The following BZW1 variants were observed in gnomAD, a reference collection of about 807,000 sequenced individuals.
BZW1 encodes the protein eIF5-mimic protein 2.
BZW1 carries 3 observed loss-of-function variants against 54.1 expected under a neutral mutation model. That is an observed-to-expected ratio of 0.06 (90% CI 0.03 to 0.14). BZW1 has a LOEUF of 0.14. Among genes scored for constraint, BZW1 ranks in the 10% least tolerant of loss-of-function variants. BZW1 has a pLI of 1.00. For missense variants in BZW1, 206 were observed against 491.7 expected (o/e 0.42, Z 5.50); for synonymous variants, 152 against 162.7 (o/e 0.93, Z 0.50).
rs986447845 is a variant in BZW1 at position 200,816,527 on chromosome 2, G to C, written c.402+137G>C. 7.5e-6 allele frequency: 4 copies of C among 535,264 alleles called. No individual in the cohort carries two copies. In the African/African-American group the frequency reaches 7.7e-5, roughly 10 times the overall value. The allele number at this position is 535,264 out of a possible 1,614,324, so 33.2% of individuals were successfully genotyped here. A position where few individuals can be genotyped will look rare whatever the true frequency, so the allele number is the denominator to read the frequency against. ...GTTTTTTGAGACAGAGCCTCACTCTGTGTCCCAGGCTGGGGGTGCAGTGGC... is the reference window on the plus strand; with the variant it reads ...GTTTTTTGAGACAGAGCCTCACTCTCTGTCCCAGGCTGGGGGTGCAGTGGC... On this transcript the variant is annotated intron_variant, in intron 5 of 11. Coordinates refer to ENST00000409600, the MANE Select transcript of BZW1 (RefSeq NM_001207067.2).
Position 200,825,530 on chromosome 2 carries a change from A to G in BZW1, c.*3352A>G, listed in dbSNP as rs1456645903. 1 of 152,232 alleles carries G rather than the reference A, an allele frequency of 6.6e-6. No homozygotes were observed. Among genetic ancestry groups the G allele is most frequent in the African/African-American group, 2.4e-5 (1 of 41,454 alleles). The allele number at this position is 152,232 out of a possible 1,614,324, so 9.4% of individuals were successfully genotyped here. Reference sequence around the variant, plus strand: ...TGTCAGGGTCAATAGAAAGTAGACGAAATTCATTTTCAGCCAATCTTTCAC... The same window carrying G: ...TGTCAGGGTCAATAGAAAGTAGACGGAATTCATTTTCAGCCAATCTTTCAC... On this transcript the variant is annotated 3_prime_UTR_variant, in exon 12 of 12. Transcript: ENST00000409600.
chr2:200,812,266 G>GC (rs2038095613), intron 1 of BZW1: 1 of 1,232,440 alleles, frequency 8.1e-7, no homozygotes, highest in African/African-American at 1.6e-5. Flanking sequence ...TCTGGGCCGT[G>GC]CCCGGCCTGG....
intron 2 of BZW1, 95 bp downstream of exon 2, chr2:200,813,376 C>T: frequency 9.1e-7 from 1 of 1,096,940 alleles, no homozygotes; most frequent in Non-Finnish European, 1.3e-6. Flanking sequence ...ACTAAAGCCT[C>T]AAAAGAAGAT....
intron 6 of BZW1, among the ~76,000 whole-genome samples, 191 bp from the exon 7 acceptor site, chr2:200,817,783 A>G (rs889180730): frequency 6.6e-6 from 1 of 152,200 alleles, no homozygotes; most frequent in African/African-American, 2.4e-5. Flanking sequence ...GGCCAAGAAT[A>G]TACAATTTGC....
At position 200,812,147 on chromosome 2, in the gene BZW1, C is replaced by A. The variant is rs888317277; in HGVS notation, c.-11+157C>A. The A allele has an allele frequency of 1.5e-5, 16 of 1,090,134 alleles. No homozygotes were observed. In the African/African-American group the frequency reaches 2.4e-4, roughly 17 times the overall value. 67.5% of individuals were successfully genotyped at this position (1,090,134 alleles called of 1,614,324 possible). On this transcript the variant is annotated intron_variant, in intron 1 of 11. Transcript: ENST00000409600. ...GGGCCGGATCTAGGGCCTGAAAGGC[C>A]GCCGCTTCGGCAGGGAGGCCGAGGG...
At chr2:200,812,694 G>A in intron 1 of BZW1, 1 of 920,568 alleles carries the variant, frequency 1.1e-6, no homozygotes, top group Middle Eastern at 2.2e-4. Context: ...AGGCCTGAGT[G>A]GTGCAAGGCG....
intron 9 of BZW1, 98 bp from the exon 10 acceptor site, chr2:200,819,884 A>G (rs2038444576): frequency 5.4e-6 from 6 of 1,113,602 alleles, no homozygotes; most frequent in Non-Finnish European, 7.1e-6. Flanking sequence ...GTGATTATAA[A>G]AGATGAGTTA....
At position 200,822,134 on chromosome 2, in the gene BZW1, T is replaced by C. The variant is rs555051088; in HGVS notation, c.1229-13T>C. Reference sequence around the variant, plus strand: ...GATACATAATGTTTGACTGTTTTTTTCCCCTTTTCTAGAATCTGAATCTGA... The same window carrying C: ...GATACATAATGTTTGACTGTTTTTTCCCCCTTTTCTAGAATCTGAATCTGA... On this transcript the variant is annotated splice_polypyrimidine_tract_variant and intron_variant, in intron 11 of 11. Transcript: ENST00000409600. 41 of 1,602,452 alleles carry C rather than the reference T, an allele frequency of 2.6e-5. No homozygotes were observed. In the East Asian group the frequency reaches 7.4e-4, roughly 29 times the overall value.
chr2:200,819,393 AAAAG>A (rs1364872876), intron 9 of BZW1, among the ~76,000 whole-genome samples: 8 of 152,274 alleles, frequency 5.3e-5, no homozygotes, highest in African/African-American at 1.9e-4. Context: ...TGCCTCAAAA[AAAAG>A]AACATGATGA....
chr2:200,826,405 ATATTTT>A lies in BZW1; in HGVS notation c.*4229_*4234del, dbSNP rs2038698437. On this transcript the variant is annotated 3_prime_UTR_variant, in exon 12 of 12. Coordinates refer to ENST00000409600, the MANE Select transcript of BZW1 (RefSeq NM_001207067.2). ...GATAGATAGATAGATAGATAGATAGATATTTTTTTTTTTTTTTTTTTTTTTTTTTTT... is the reference window on the plus strand; with the variant it reads ...GATAGATAGATAGATAGATAGATAGATTTTTTTTTTTTTTTTTTTTTTTTT... The A allele has an allele frequency of 1.0e-4, 5 of 48,678 alleles. No homozygotes were observed. Among genetic ancestry groups the A allele is most frequent in the African/African-American group, 4.3e-4 (5 of 11,634 alleles). 3.0% of individuals were successfully genotyped at this position (48,678 alleles called of 1,614,324 possible). A position where few individuals can be genotyped will look rare whatever the true frequency, so the allele number is the denominator to read the frequency against.
chr2:200,811,983 T>G lies in BZW1; in HGVS notation c.-18T>G. 1 of 348,706 alleles carries G rather than the reference T, an allele frequency of 2.9e-6. No homozygotes were observed. The highest frequency in any genetic ancestry group is 5.1e-6 in the Non-Finnish European group (1 of 194,662). The allele number at this position is 348,706 out of a possible 1,614,324, so 21.6% of individuals were successfully genotyped here. On this transcript the variant is annotated 5_prime_UTR_variant, in exon 1 of 12. Coordinates refer to ENST00000409600, the MANE Select transcript of BZW1 (RefSeq NM_001207067.2). ...ATTTCTGGCTCTTTCCTCTTCGCCT[T>G]AAATTCGGTGAGACGCGGCGCCCCG...
At position 200,824,483 on chromosome 2, in the gene BZW1, TTTCA is replaced by T. The variant is rs2038638811; in HGVS notation, c.*2309_*2312del. ...CTTACTCTGTGAGTTATAGATGTTATTTCATTCTATATATAGATGTTTATTCCAT... is the reference window on the plus strand; with the variant it reads ...CTTACTCTGTGAGTTATAGATGTTATTTCTATATATAGATGTTTATTCCAT... On this transcript the variant is annotated 3_prime_UTR_variant, in exon 12 of 12. Coordinates refer to ENST00000409600, the MANE Select transcript of BZW1 (RefSeq NM_001207067.2). The T allele has an allele frequency of 6.6e-6, 1 of 152,024 alleles. No individual in the cohort carries two copies. Among genetic ancestry groups the T allele is most frequent in the East Asian group, 1.9e-4 (1 of 5,180 alleles). 9.4% of individuals were successfully genotyped at this position (152,024 alleles called of 1,614,324 possible).
chr2:200,820,597 A>C (rs1203694179), intron 10 of BZW1, among the ~76,000 whole-genome samples: 1 of 152,100 alleles, frequency 6.6e-6, no homozygotes, highest in Non-Finnish European at 1.5e-5. Context: ...TAGGAGGATC[A>C]CTTGAGCCTA....
chr2:200,819,251 G>A (rs558510079), intron 9 of BZW1: 53 of 223,292 alleles, frequency 2.4e-4, no homozygotes, highest in Admixed American at 2.0e-3. Context: ...ATAGCCAGTC[G>A]TGGTGGCGCA....
Position 200,826,419 on chromosome 2 carries a change from T to A in BZW1, c.*4241T>A, listed in dbSNP as rs993955837. 28 of 56,364 alleles carry A rather than the reference T, an allele frequency of 5.0e-4. No homozygotes were observed. In the East Asian group the frequency reaches 6.7e-3, roughly 14 times the overall value. The allele number at this position is 56,364 out of a possible 1,614,324, so 3.5% of individuals were successfully genotyped here. On this transcript the variant is annotated 3_prime_UTR_variant, in exon 12 of 12. Coordinates refer to ENST00000409600, the MANE Select transcript of BZW1 (RefSeq NM_001207067.2). ...TAGATAGATAGATATTTTTTTTTTT[T>A]TTTTTTTTTTTTTTTTTTTTTTTGA...
upstream of BZW1, chr2:200,811,719 T>C (rs1000181290): frequency 6.6e-6 from 1 of 152,560 alleles, no homozygotes; most frequent in Non-Finnish European, 1.5e-5. Flanking sequence ...CCAGGCGACG[T>C]GGAACCCAGT....
At chr2:200,813,782 T>G (rs928936384) in intron 2 of BZW1, among the ~76,000 whole-genome samples, 4 of 152,196 alleles carry the variant, frequency 2.6e-5, no homozygotes, top group African/African-American at 9.7e-5. Context: ...TTACTATTTT[T>G]TTTTTGCATT....
rs1227644695 is a variant in BZW1 at position 200,818,081 on chromosome 2, A to G, written c.646A>G (p.Met216Val). The change falls in exon 7 of 12, where the codon ATG (methionine) becomes GTG (valine). Residue 216 changes from methionine to valine, a missense_variant and splice_region_variant. This residue lies in a region of BZW1 where 81 missense variants were observed against 257.1 expected (regional missense o/e 0.32). Transcript: ENST00000409600. Reference sequence around the variant, plus strand: ...GAAAGTCAGCATGGATAACAGACTGATGGTTGGTAACTTTTTTTCATTCTT... The same window carrying G: ...GAAAGTCAGCATGGATAACAGACTGGTGGTTGGTAACTTTTTTTCATTCTT... ...LRKVSMDNRL[M>V]ELFPANKQSV... The G allele has an allele frequency of 1.2e-5, 18 of 1,547,442 alleles. No homozygotes were observed. The highest frequency in any genetic ancestry group is 1.6e-5 in the Non-Finnish European group (18 of 1,143,798).
At chr2:200,812,140 G>C in intron 1 of BZW1, 150 bp downstream of exon 1, 1 of 1,060,842 alleles carries the variant, frequency 9.4e-7, no homozygotes, top group East Asian at 3.3e-5. Context: ...TCTAGGGCCT[G>C]AAAGGCCGCC....
Sources: gnomAD v4.1 joint callset for allele counts (sites outside exome capture counted in the v4.1 genomes callset) on GRCh38, gnomAD v4.1.1 for gene constraint, gnomAD v4.1.1 regional missense constraint, MANE v1.5 for transcripts, NCBI Gene and HGNC (gene_info 2026-07-23, HGNC 2026-07-21) for gene names.